CFAP44: variants seen among roughly 807,000 people sequenced by gnomAD.
The protein encoded by CFAP44 is cilia- and flagella-associated protein 44.
CFAP44 carries 134 observed loss-of-function variants against 216.2 expected under a neutral mutation model. The ratio of observed to expected loss-of-function variants is 0.62; its 90% CI spans 0.54 to 0.72. CFAP44 has a LOEUF of 0.72. Among genes scored for constraint, CFAP44 ranks in the 30% least tolerant of loss-of-function variants. The pLI, the probability that CFAP44 is intolerant of heterozygous loss-of-function variation, is 0.00. For missense variants in CFAP44, 2,035 were observed against 2,182.1 expected, an observed-to-expected ratio of 0.93 and a Z score of 1.34; for synonymous variants, 700 against 727.6, an observed-to-expected ratio of 0.96 and a Z score of 0.61.
intron 5 of CFAP44, among the ~76,000 whole-genome samples, chr3:113,418,057 A>AATTTATTTATT: frequency 1.3e-5 from 2 of 148,952 alleles, no homozygotes; most frequent in South Asian, 2.1e-4. Flanking sequence ...ATTGAGACAC[A>AATTTATTTATT]ATTTATTTAT....
chr3:113,428,371 G>A (rs11715198), intron 2 of CFAP44, among the ~76,000 whole-genome samples: 67,321 of 152,060 alleles, frequency 0.44, 16,886 homozygotes, highest in Admixed American at 0.57. Flanking sequence ...AAAAATAATG[G>A]GTATTCTGAG....
intron 5 of CFAP44, among the ~76,000 whole-genome samples, chr3:113,417,747 G>C (rs1576601398): frequency 6.6e-6 from 1 of 152,290 alleles, no homozygotes; most frequent in African/African-American, 2.4e-5. Flanking sequence ...CAGTCACACA[G>C]TCTACAATGT....
In CFAP44 at chr3:113,426,206, A is replaced by C; in HGVS notation, c.325T>G (p.Phe109Val). ...EEVKKKISESFFYDYMELASM... is the reference protein window; with the variant it reads ...EEVKKKISESVFYDYMELASM... ...GCAAGCTCCATATAATCATAGAAGAAGCTCTCTGATATTTTCTTCTTAACT... is the reference window on the plus strand; with the variant it reads ...GCAAGCTCCATATAATCATAGAAGACGCTCTCTGATATTTTCTTCTTAACT... The change falls in exon 4 of 35, where the codon TTC (phenylalanine) becomes GTC (valine). Residue 109 changes from phenylalanine (F) to valine (V), a missense_variant. Around this residue, in one of 3 missense-constraint regions of CFAP44, gnomAD observed 149 missense variants for 141.8 expected, o/e 1.05. Coordinates refer to ENST00000393845, the MANE Select transcript of CFAP44 (RefSeq NM_001164496.2). The C allele has an allele frequency of 6.2e-7, 1 of 1,614,138 alleles. No individual in the cohort carries two copies. The highest frequency in any genetic ancestry group is 2.2e-5 in the East Asian group (1 of 44,886).
chr3:113,391,321 G>C (rs1481570132), intron 15 of CFAP44, among the ~76,000 whole-genome samples: 1 of 151,994 alleles, frequency 6.6e-6, no homozygotes, highest in Non-Finnish European at 1.5e-5. Flanking sequence ...CCTATCTCTT[G>C]CTATATACAA....
chr3:113,382,266 C>T (rs930884184), intron 15 of CFAP44, among the ~76,000 whole-genome samples: 9 of 151,948 alleles, frequency 5.9e-5, no homozygotes, highest in East Asian at 1.9e-4. Flanking sequence ...AAAGTGAAAG[C>T]GAGATGGTAT....
At chr3:113,391,456 C>T (rs1364984159) in intron 15 of CFAP44, among the ~76,000 whole-genome samples, 1 of 152,086 alleles carries the variant, frequency 6.6e-6, no homozygotes, top group African/African-American at 2.4e-5. Context: ...AATAACACCC[C>T]ACAAGCACAG....
At position 113,293,868 on chromosome 3, in the gene CFAP44, G is replaced by T. The variant is rs187631208; in HGVS notation, c.5373+819C>A. On this transcript the variant is annotated intron_variant, in intron 34 of 34. Transcript: ENST00000393845. Reference sequence around the variant, plus strand: ...AACTCTAGTGTGCTTCAGAATCCCCGGGAAGGCTGGTTAATGCAGACTGCT... The same window carrying T: ...AACTCTAGTGTGCTTCAGAATCCCCTGGAAGGCTGGTTAATGCAGACTGCT... The T allele has an allele frequency of 1.4e-5, 5 of 359,740 alleles. No homozygotes were observed. The Admixed American group carries it at 1.5e-4, about 11-fold the overall frequency. 22.3% of individuals were successfully genotyped at this position (359,740 alleles called of 1,614,324 possible). A position where few individuals can be genotyped will look rare whatever the true frequency, so the allele number is the denominator to read the frequency against.
intron 1 of CFAP44, 100 bp downstream of exon 1, chr3:113,441,353 G>C: frequency 1.0e-6 from 1 of 978,628 alleles, no homozygotes; most frequent in Non-Finnish European, 1.2e-6. Flanking sequence ...TATAACACTG[G>C]TCCAGCCTGA....
Position 113,401,651 on chromosome 3 carries a change from T to C in CFAP44, c.1259A>G (p.Asp420Gly). The C allele has an allele frequency of 6.2e-7, 1 of 1,613,628 alleles. No homozygotes were observed. Among genetic ancestry groups the C allele is most frequent in the Non-Finnish European group, 8.5e-7 (1 of 1,179,746 alleles). ...EIEPINELQV[D>G]KNVNLFSMIK... Reference sequence around the variant, plus strand: ...CATAGAGAAGAGATTCACATTCTTGTCTACTTGAAGTTCATTAATAGGCTC... The same window carrying C: ...CATAGAGAAGAGATTCACATTCTTGCCTACTTGAAGTTCATTAATAGGCTC... Residue 420 changes from aspartate to glycine, a missense_variant, in exon 10 of 35, where the codon GAC becomes GGC. Physicochemically the swap from Asp to Gly is moderately conservative, Grantham distance 94 (BLOSUM62 -1). Transcript: ENST00000393845.
chr3:113,322,967 AAGG>A (rs1408333718), intron 28 of CFAP44, among the ~76,000 whole-genome samples: 2 of 152,208 alleles, frequency 1.3e-5, no homozygotes, highest in African/African-American at 4.8e-5. Context: ...TGGCAGCAGG[AAGG>A]AGAAGTGCAG....
At chr3:113,350,742 C>T (rs1950436655) in intron 22 of CFAP44, among the ~76,000 whole-genome samples, 1 of 152,206 alleles carries the variant, frequency 6.6e-6, no homozygotes, top group Non-Finnish European at 1.5e-5. Context: ...GGGAAAATAA[C>T]TTTTAGAGGT....
At chr3:113,327,021 T>C (rs374166383) in intron 27 of CFAP44, among the ~76,000 whole-genome samples, 13 of 152,272 alleles carry the variant, frequency 8.5e-5, no homozygotes, top group African/African-American at 3.1e-4. Context: ...AAGAGACATA[T>C]AATTTCTAGT....
chr3:113,339,696 C>T (rs1950312942), intron 24 of CFAP44, among the ~76,000 whole-genome samples: 1 of 152,090 alleles, frequency 6.6e-6, no homozygotes, highest in Admixed American at 6.6e-5. Context: ...AGCTTGGAAT[C>T]GAGGTTGGGA....
chr3:113,347,902 T>A (rs1047813762), intron 22 of CFAP44, among the ~76,000 whole-genome samples: 1 of 152,118 alleles, frequency 6.6e-6, no homozygotes, highest in Non-Finnish European at 1.5e-5. Flanking sequence ...TATGCATCAG[T>A]AAGGGCCACT....
intron 15 of CFAP44, among the ~76,000 whole-genome samples, chr3:113,382,958 G>C (rs1933552687): frequency 6.6e-6 from 1 of 152,224 alleles, no homozygotes; most frequent in African/African-American, 2.4e-5. Flanking sequence ...TCATAGGATT[G>C]CTGAACGATT....
chr3:113,328,589 C>G (rs1228784629), intron 26 of CFAP44, among the ~76,000 whole-genome samples: 1 of 149,598 alleles, frequency 6.7e-6, no homozygotes, highest in African/African-American at 2.5e-5. Context: ...GATAGGTGGC[C>G]TCAACTGTCA....
At position 113,389,720 on chromosome 3, in the gene CFAP44, T is replaced by C. The variant is rs148555075; in HGVS notation, c.1890+6030A>G. On this transcript the variant is annotated intron_variant, in intron 15 of 34. Coordinates refer to ENST00000393845, the MANE Select transcript of CFAP44 (RefSeq NM_001164496.2). Reference sequence around the variant, plus strand: ...TTCAAAGGATCAGTAGAGGCTACTATGAGCAACTTTATGCAAGTAAATTTT... The same window carrying C: ...TTCAAAGGATCAGTAGAGGCTACTACGAGCAACTTTATGCAAGTAAATTTT... Among the ~76,000 whole-genome samples, 194 of 152,238 alleles carry C rather than the reference T, an allele frequency of 1.3e-3. 1 individual carries two copies. Among genetic ancestry groups the C allele is most frequent in the African/African-American group, 4.1e-3 (172 of 41,554 alleles).
At chr3:113,297,476 G>T (rs1043447053) in intron 32 of CFAP44, among the ~76,000 whole-genome samples, 2 of 152,070 alleles carry the variant, frequency 1.3e-5, no homozygotes, top group African/African-American at 4.8e-5. Context: ...GATCCACACG[G>T]CTTGCTCCTC....
Position 113,326,498 on chromosome 3 carries a change from A to G in CFAP44, c.4463T>C (p.Val1488Ala), listed in dbSNP as rs1427668100. The change falls in exon 28 of 35, where the codon GTC becomes GCC. Residue 1488 changes from valine to alanine, a missense_variant. Physicochemically the swap from Val to Ala is moderately conservative, Grantham distance 64. Transcript: ENST00000393845. ...NNKFANFLMK[V>A]LKKKIKRVKK... ...TACCCGTTTAATCTTCTTCTTTAGGACCTTCATGAGGAAGTTTGCAAATTT... is the reference window on the plus strand; with the variant it reads ...TACCCGTTTAATCTTCTTCTTTAGGGCCTTCATGAGGAAGTTTGCAAATTT... The G allele has an allele frequency of 6.5e-7, 1 of 1,530,116 alleles. No homozygotes were observed. The highest frequency in any genetic ancestry group is 2.0e-5 in the Admixed American group (1 of 49,678). 94.8% of individuals were successfully genotyped at this position (1,530,116 alleles called of 1,614,324 possible). A position where few individuals can be genotyped will look rare whatever the true frequency, so the allele number is the denominator to read the frequency against.
Sources: allele counts gnomAD v4.1 joint callset (sites outside exome capture counted in the v4.1 genomes callset), GRCh38; gene constraint gnomAD v4.1.1; regional missense constraint gnomAD v4.1.1; transcripts MANE v1.5; gene names NCBI Gene and HGNC (gene_info 2026-07-23, HGNC 2026-07-21).